The following SPOCK1 variants were observed in gnomAD, a reference collection of about 807,000 sequenced individuals.
The protein encoded by SPOCK1 is SPARC (osteonectin), cwcv and kazal like domains proteoglycan 1.
In SPOCK1, 23 loss-of-function variants were observed where a neutral mutation model predicts 55.3. The observed-to-expected ratio is 0.42, with a 90% CI of 0.30 to 0.59. The LOEUF (loss-of-function observed/expected upper bound fraction) is 0.59. Ranked by LOEUF, SPOCK1 falls within the 20% of genes least tolerant of loss-of-function variation. The pLI is 0.22. For synonymous variants in SPOCK1, 226 were observed against 221.0 expected (o/e 1.02, Z -0.20); for missense variants, 499 against 552.5 (o/e 0.90, Z 0.97).
intron 6 of SPOCK1, among the ~76,000 whole-genome samples, chr5:137,020,685 C>A (rs917947406): frequency 2.6e-5 from 4 of 151,728 alleles, no homozygotes; most frequent in Non-Finnish European, 5.9e-5. Context: ...AGGTTAGTAT[C>A]CAGAATAGAA....
At chr5:137,167,626 T>C (rs1230491725) in intron 3 of SPOCK1, among the ~76,000 whole-genome samples, 3 of 141,978 alleles carry the variant, frequency 2.1e-5, no homozygotes, top group African/African-American at 7.5e-5. Flanking sequence ...GCATCTTCTC[T>C]GACCACAATG....
chr5:137,292,283 C>G (rs1757383409), intron 2 of SPOCK1, among the ~76,000 whole-genome samples: 1 of 151,932 alleles, frequency 6.6e-6, no homozygotes. Context: ...GGGGGTGAAG[C>G]TGAACAGTCT....
chr5:137,355,972 G>C (rs1302247968), intron 2 of SPOCK1, among the ~76,000 whole-genome samples: 2 of 152,150 alleles, frequency 1.3e-5, no homozygotes, highest in Non-Finnish European at 2.9e-5. Context: ...CCACAGACTC[G>C]GGGAGAGGCT....
chr5:137,187,152 G>A (rs888865824), intron 3 of SPOCK1, among the ~76,000 whole-genome samples: 14 of 152,256 alleles, frequency 9.2e-5, no homozygotes, highest in Admixed American at 3.9e-4. Context: ...AAAGGATAAT[G>A]CAGCATGCCG....
chr5:137,057,531 A>G (rs986129325), intron 6 of SPOCK1, among the ~76,000 whole-genome samples: 15 of 152,220 alleles, frequency 9.9e-5, no homozygotes, highest in African/African-American at 3.4e-4. Context: ...AATCATCATC[A>G]TTGATATGAC....
chr5:137,492,735 A>C (rs2149845719), intron 2 of SPOCK1, among the ~76,000 whole-genome samples: 1 of 152,332 alleles, frequency 6.6e-6, no homozygotes, highest in South Asian at 2.1e-4. Flanking sequence ...GTAGACCAGA[A>C]ACCTGCGAGA....
In SPOCK1 at chr5:136,976,212, A is replaced by G. The variant is rs563195022; in HGVS notation, c.*2442T>C. 7 of 152,368 alleles carry G rather than the reference A, an allele frequency of 4.6e-5. No homozygotes were observed. In the South Asian group the frequency reaches 1.5e-3, roughly 32 times the overall value. 9.4% of individuals were successfully genotyped at this position (152,368 alleles called of 1,614,324 possible). The stretch of plus-strand genomic sequence containing the variant: ...GCTGTCATGTCAAAGTGAGGCATGA[A>G]AAGTATTATTAATGTGGCTCCATCG... On this transcript the variant is annotated 3_prime_UTR_variant, in exon 11 of 11. Coordinates refer to ENST00000394945, the MANE Select transcript of SPOCK1 (RefSeq NM_004598.4).
At chr5:137,384,127 C>T (rs988156850) in intron 2 of SPOCK1, among the ~76,000 whole-genome samples, 5 of 152,230 alleles carry the variant, frequency 3.3e-5, no homozygotes, top group African/African-American at 1.2e-4. Context: ...ACTGTCAGCA[C>T]AGCATGGACA....
intron 4 of SPOCK1, among the ~76,000 whole-genome samples, chr5:137,133,970 CG>C (rs1407471342): frequency 3.3e-4 from 15 of 44,886 alleles, no homozygotes; most frequent in African/African-American, 1.3e-3. Context: ...GGGGGGGTAG[CG>C]GGGGGTGGCA....
chr5:137,116,027 A>G (rs988988634), intron 4 of SPOCK1, among the ~76,000 whole-genome samples: 1 of 152,178 alleles, frequency 6.6e-6, no homozygotes, highest in Non-Finnish European at 1.5e-5. Flanking sequence ...GGGTGACACA[A>G]CAATTTAGTC....
At chr5:137,419,678 C>T (rs369418210) in intron 2 of SPOCK1, among the ~76,000 whole-genome samples, 6 of 152,048 alleles carry the variant, frequency 3.9e-5, no homozygotes, top group African/African-American at 7.2e-5. Flanking sequence ...CTGAAGTTGC[C>T]TATCAGCTTA....
intron 3 of SPOCK1, among the ~76,000 whole-genome samples, chr5:137,186,922 G>C (rs1194031952): frequency 6.6e-6 from 1 of 152,140 alleles, no homozygotes; most frequent in Non-Finnish European, 1.5e-5. Context: ...CATCTGGCCT[G>C]GCTCTCAGAG....
Position 137,472,722 on chromosome 5 carries a change from T to C in SPOCK1, c.186+25651A>G, listed in dbSNP as rs376932349. Reference sequence around the variant, plus strand: ...AGGGAACAACCCCAGTTTCCACCAATAGGAGACAAGGCAAATAAATCAAAG... The same window carrying C: ...AGGGAACAACCCCAGTTTCCACCAACAGGAGACAAGGCAAATAAATCAAAG... On this transcript the variant is annotated intron_variant, in intron 2 of 10. Coordinates refer to ENST00000394945, the MANE Select transcript of SPOCK1 (RefSeq NM_004598.4). 2.6e-5 allele frequency among the ~76,000 whole-genome samples: 4 copies of C among 152,130 alleles called. No homozygotes were observed. The East Asian group carries it at 5.8e-4, about 22-fold the overall frequency.
intron 2 of SPOCK1, among the ~76,000 whole-genome samples, chr5:137,358,880 G>T (rs1223378183): frequency 6.6e-6 from 1 of 152,190 alleles, no homozygotes; most frequent in East Asian, 1.9e-4. Flanking sequence ...ATCAAGTCAA[G>T]ACTCTAGGTA....
intron 3 of SPOCK1, among the ~76,000 whole-genome samples, chr5:137,201,927 G>A (rs1445117584): frequency 6.6e-6 from 1 of 152,162 alleles, no homozygotes; most frequent in African/African-American, 2.4e-5. Flanking sequence ...CATTGAAACT[G>A]CACCCCAGCA....
chr5:137,281,373 G>A (rs1312866629), intron 2 of SPOCK1, among the ~76,000 whole-genome samples: 2 of 152,222 alleles, frequency 1.3e-5, no homozygotes, highest in Non-Finnish European at 2.9e-5. Context: ...AGCTTCTTGG[G>A]CCATGATCAT....
intron 2 of SPOCK1, among the ~76,000 whole-genome samples, chr5:137,430,931 CTG>C (rs1752730672): frequency 1.3e-5 from 2 of 152,162 alleles, no homozygotes; most frequent in South Asian, 4.1e-4. Context: ...ACAGCGATGT[CTG>C]TAGAAATCTG....
intron 4 of SPOCK1, among the ~76,000 whole-genome samples, chr5:137,126,222 T>C (rs974520286): frequency 1.6e-4 from 25 of 152,208 alleles, no homozygotes; most frequent in African/African-American, 6.0e-4. Flanking sequence ...TCTCTCTTGC[T>C]TTCACCCTTG....
chr5:137,479,098 T>C (rs1753896651), intron 2 of SPOCK1, among the ~76,000 whole-genome samples: 1 of 151,104 alleles, frequency 6.6e-6, no homozygotes, highest in African/African-American at 2.4e-5. Context: ...CGTGTAAGGG[T>C]ATACTAGATA....
Sources: allele counts gnomAD v4.1 joint callset (sites outside exome capture counted in the v4.1 genomes callset), GRCh38; gene constraint gnomAD v4.1.1; transcripts MANE v1.5; gene names NCBI Gene and HGNC (gene_info 2026-07-23, HGNC 2026-07-21).